ELF4: variants seen among roughly 807,000 people sequenced by gnomAD.
The protein encoded by ELF4 is E74 like ETS transcription factor 4.
In ELF4, 10 loss-of-function variants were observed where a neutral mutation model predicts 31.7. The ratio of observed to expected loss-of-function variants is 0.32; its 90% CI spans 0.19 to 0.54. ELF4 has a LOEUF of 0.54. ELF4 is among the 20% of genes least tolerant of loss of function. ELF4 has a pLI of 0.95. For synonymous variants in ELF4, 208 were observed against 226.7 expected, an observed-to-expected ratio of 0.92 and a Z score of 0.74; for missense variants, 418 against 522.0, an observed-to-expected ratio of 0.80 and a Z score of 1.94.
intron 1 of ELF4, among the ~76,000 whole-genome samples, chrX:130,099,996 C>T (rs1216726563): frequency 2.7e-5 from 3 of 110,920 alleles, no homozygotes; most frequent in Non-Finnish European, 5.7e-5. Flanking sequence ...TGAGAAGGGG[C>T]TCCAGGGCAA....
chrX:130,103,137 G>A (rs1010431740), intron 1 of ELF4, among the ~76,000 whole-genome samples: 4 of 111,648 alleles, frequency 3.6e-5, no homozygotes, highest in East Asian at 2.8e-4. Context: ...AGAGTTCTTC[G>A]ATACAGCACC....
intron 1 of ELF4, among the ~76,000 whole-genome samples, chrX:130,100,579 C>G (rs1933235887): frequency 9.0e-6 from 1 of 111,615 alleles, no homozygotes; most frequent in Non-Finnish European, 1.9e-5. Context: ...CAAATAGTGC[C>G]TATCCAGCAA....
rs754057089 is a variant in ELF4, at chrX:130,066,894, C to T, written c.1819G>A (p.Val607Ile). The T allele has an allele frequency of 8.3e-7, 1 of 1,212,044 alleles. No homozygotes were observed. Among genetic ancestry groups the T allele is most frequent in the Admixed American group, 2.2e-5 (1 of 46,078 alleles). ...AGTTCAGCCACTGGGGTCAGCCCAACAGTGGGGCGGCTGGGAGGAGACAAA... is the reference window on the plus strand; with the variant it reads ...AGTTCAGCCACTGGGGTCAGCCCAATAGTGGGGCGGCTGGGAGGAGACAAA... ...QTLSPPSRPT[V>I]GLTPVAELEL... is the part of the protein sequence containing the mutation. The change falls in exon 9 of 9, where the codon GTT (valine) becomes ATT (isoleucine). Residue 607 changes from valine to isoleucine, a missense_variant. Physicochemically the swap from Val to Ile is conservative, Grantham distance 29. Coordinates refer to ENST00000308167, the MANE Select transcript of ELF4 (RefSeq NM_001421.4).
chrX:130,070,771 C>CAAAAA (rs748643492), intron 7 of ELF4, among the ~76,000 whole-genome samples: 4 of 23,928 alleles, frequency 1.7e-4, no homozygotes, highest in East Asian at 1.5e-3. Flanking sequence ...GACTCCATCT[C>CAAAAA]AAAAAAAAAA....
At chrX:130,077,113 CATG>C (rs758049416) in intron 2 of ELF4, among the ~76,000 whole-genome samples, 17 of 110,861 alleles carry the variant, frequency 1.5e-4, no homozygotes, top group Non-Finnish European at 3.0e-4. Flanking sequence ...TAGAGCTGTC[CATG>C]ATGATATCCA....
chrX:130,082,171 C>A (rs1327318463), intron 1 of ELF4, among the ~76,000 whole-genome samples: 1 of 111,364 alleles, frequency 9.0e-6, no homozygotes, highest in Non-Finnish European at 1.9e-5. Flanking sequence ...GGTGGTCACA[C>A]CCATGCCTGC....
chrX:130,101,854 A>G (rs1027329355), intron 1 of ELF4, among the ~76,000 whole-genome samples: 66 of 111,771 alleles, frequency 5.9e-4, no homozygotes, highest in Admixed American at 1.3e-3. Context: ...AAACAAGGCC[A>G]GACTGGGCGC....
At chrX:130,081,572 A>G (rs1932889139) in intron 1 of ELF4, 33 bp from the exon 2 acceptor site, 1 of 430,928 alleles carries the variant, frequency 2.3e-6, no homozygotes, top group African/African-American at 2.5e-5. Flanking sequence ...GACAGTGAGT[A>G]AGTCACCTTC....
intron 1 of ELF4, among the ~76,000 whole-genome samples, chrX:130,106,613 A>G (rs1933383939): frequency 8.9e-6 from 1 of 111,897 alleles, no homozygotes; most frequent in Non-Finnish European, 1.9e-5. Context: ...CCTGACCCCT[A>G]GGAAAGCGCC....
chrX:130,098,127 G>C (rs953192452), intron 1 of ELF4, among the ~76,000 whole-genome samples: 13 of 112,469 alleles, frequency 1.2e-4, no homozygotes, highest in African/African-American at 3.5e-4. Context: ...GGGCAGGCAG[G>C]GGGTGTGGAC....
In ELF4 at chrX:130,074,156, A is replaced by G. The variant is rs1874274516; in HGVS notation, c.248-15T>C. ...CTCATTGTCATCTGGTCCGGGTTCC[A>G]TGGTGGGAGGAGAGAAGAAAAGTTC... On this transcript the variant is annotated splice_polypyrimidine_tract_variant and intron_variant, in intron 3 of 8. Coordinates refer to ENST00000308167, the MANE Select transcript of ELF4 (RefSeq NM_001421.4). 5.8e-6 allele frequency: 7 copies of G among 1,207,702 alleles called. No individual in the cohort carries two copies. In the African/African-American group the frequency reaches 7.0e-5, roughly 12 times the overall value.
At chrX:130,094,438 G>A (rs1444519695) in intron 1 of ELF4, among the ~76,000 whole-genome samples, 3 of 99,987 alleles carry the variant, frequency 3.0e-5, no homozygotes, top group Non-Finnish European at 6.1e-5. Context: ...ATGGTGGCGG[G>A]CGCCTATAAT....
At chrX:130,071,447 G>T in intron 5 of ELF4, 28 bp from the exon 6 acceptor site, 1 of 1,198,551 alleles carries the variant, frequency 8.3e-7, no homozygotes, top group Non-Finnish European at 1.1e-6. Flanking sequence ...GTAGGATGAG[G>T]AGCAGCTCCC....
At chrX:130,075,644 G>A (rs1452954969) in intron 2 of ELF4, among the ~76,000 whole-genome samples, 1 of 111,695 alleles carries the variant, frequency 9.0e-6, no homozygotes, top group African/African-American at 3.3e-5. Flanking sequence ...AGTCTATGAG[G>A]ATTAGATTCA....
chrX:130,105,541 G>A (rs887682399), intron 1 of ELF4, among the ~76,000 whole-genome samples: 1 of 111,450 alleles, frequency 9.0e-6, no homozygotes, highest in Non-Finnish European at 1.9e-5. Context: ...ACCCAACCAG[G>A]GCCAAGCTTC....
chrX:130,074,143 TGGTCCG>T lies in ELF4; in HGVS notation c.248-8_248-3del. The T allele has an allele frequency of 5.8e-6, 7 of 1,211,589 alleles. No homozygotes were observed. The highest frequency in any genetic ancestry group is 7.8e-6 in the Non-Finnish European group (7 of 895,307). Reference sequence around the variant, plus strand: ...TGTGCGAGGTGGCCTCATTGTCATCTGGTCCGGGTTCCATGGTGGGAGGAGAGAAGA... The same window carrying T: ...TGTGCGAGGTGGCCTCATTGTCATCTGGTTCCATGGTGGGAGGAGAGAAGA... On this transcript the variant is annotated splice_region_variant and splice_polypyrimidine_tract_variant and intron_variant, in intron 3 of 8. Transcript: ENST00000308167.
Position 130,072,266 on chromosome X carries a change from T to C in ELF4, c.492A>G (p.Arg164=), listed in dbSNP as rs1932794332. 8.3e-7 allele frequency: 1 copy of C among 1,210,141 alleles called. No individual in the cohort carries two copies. The highest frequency in any genetic ancestry group is 1.1e-6 in the Non-Finnish European group (1 of 895,146). ...EGHSLEEKAS[R]EESAKKTGKS... Reference sequence around the variant, plus strand: ...TCCCAGTCTTCTTGGCACTTTCCTCTCTGGAGGCCTTCTCCTCCAGAGAAT... The same window carrying C: ...TCCCAGTCTTCTTGGCACTTTCCTCCCTGGAGGCCTTCTCCTCCAGAGAAT... The change falls in exon 5 of 9, where the codon AGA becomes AGG. Residue 164 remains arginine, a synonymous_variant. Coordinates refer to ENST00000308167, the MANE Select transcript of ELF4 (RefSeq NM_001421.4).
In ELF4 at chrX:130,071,165, G is replaced by A. The variant is rs1266981734; in HGVS notation, c.684C>T (p.Tyr228=). 1.7e-6 allele frequency: 2 copies of A among 1,210,162 alleles called. No individual in the cohort carries two copies. The highest frequency in any genetic ancestry group is 2.2e-6 in the Non-Finnish European group (2 of 895,316). The stretch of plus-strand genomic sequence containing the variant: ...CTTTCTCTCGCTGGGTCCACTTGAT[G>A]TACTTGGGACAGGTGTTTCTGTCTT... ...LLQDRNTCPK[Y]IKWTQREKGI... The change falls in exon 7 of 9, where the codon TAC becomes TAT. Residue 228 remains tyrosine, a synonymous_variant. Transcript: ENST00000308167.
intron 1 of ELF4, among the ~76,000 whole-genome samples, chrX:130,089,529 A>AC (rs1327221936): frequency 1.9e-5 from 2 of 104,604 alleles, no homozygotes; most frequent in Non-Finnish European, 3.9e-5. Context: ...AAAAAAAAAA[A>AC]AAAAAAAACA....
Sources: gnomAD v4.1 joint callset for allele counts (sites outside exome capture counted in the v4.1 genomes callset) on GRCh38, gnomAD v4.1.1 for gene constraint, MANE v1.5 for transcripts, NCBI Gene and HGNC (gene_info 2026-07-23, HGNC 2026-07-21) for gene names.